The following STS variants were observed in gnomAD, a reference collection of about 807,000 sequenced individuals.
The protein encoded by STS is steroid sulfatase.
STS carries 7 observed loss-of-function variants against 26.8 expected under a neutral mutation model. The ratio of observed to expected loss-of-function variants is 0.26; its 90% CI spans 0.15 to 0.49. The LOEUF is 0.49. Among genes scored for constraint, STS ranks in the 20% least tolerant of loss-of-function variants. STS has a pLI of 0.98. For synonymous variants in STS, 199 were observed against 189.4 expected (o/e 1.05, Z -0.42); for missense variants, 434 against 465.6 (o/e 0.93, Z 0.63).
At chrX:7,151,438 C>T (rs1305531462) in intron 1 of STS, among the ~76,000 whole-genome samples, 1 of 111,700 alleles carries the variant, frequency 9.0e-6, no homozygotes, top group Non-Finnish European at 1.9e-5. Context: ...AATTTGAGCT[C>T]CTCATTGCAG....
At chrX:7,320,092 T>C (rs1047981083) in intron 8 of STS, among the ~76,000 whole-genome samples, 2 of 95,789 alleles carry the variant, frequency 2.1e-5, no homozygotes, top group African/African-American at 7.7e-5. Context: ...TATAGTTATA[T>C]ATATTTTTTG....
rs192530092 is a variant in STS at position 7,322,481 on chromosome X, A to C, written c.1082-2858A>C. Among the ~76,000 whole-genome samples, 834 of 110,695 alleles carry C rather than the reference A, an allele frequency of 7.5e-3. 8 individuals are homozygous for C. The highest frequency in any genetic ancestry group is 0.013 in the Non-Finnish European group (689 of 52,775). ...ACTGGTGAGATCTTGGCTCACTGCAACCTCCACCTCCCGGGTTCAAGCAAT... is the reference window on the plus strand; with the variant it reads ...ACTGGTGAGATCTTGGCTCACTGCACCCTCCACCTCCCGGGTTCAAGCAAT... On this transcript the variant is annotated intron_variant, in intron 8 of 10. Transcript: ENST00000674429.
intron 10 of STS, among the ~76,000 whole-genome samples, chrX:7,345,385 G>T (rs1472389272): frequency 9.0e-6 from 1 of 111,353 alleles, no homozygotes; most frequent in Non-Finnish European, 1.9e-5. Flanking sequence ...CTATAACCAA[G>T]ATCTGAGTCC....
At chrX:7,196,315 C>G (rs1168213903) in intron 2 of STS, among the ~76,000 whole-genome samples, 1 of 111,852 alleles carries the variant, frequency 8.9e-6, no homozygotes, top group Non-Finnish European at 1.9e-5. Context: ...TTCAGCCTTC[C>G]TTCTCTTCCA....
In STS at chrX:7,351,749, G is replaced by A. The variant is rs991675104; in HGVS notation, c.*1488G>A. 3 of 110,309 alleles carry A rather than the reference G, an allele frequency of 2.7e-5. No homozygotes were observed. The highest frequency in any genetic ancestry group is 5.7e-5 in the Non-Finnish European group (3 of 52,901). 9.1% of individuals were successfully genotyped at this position (110,309 alleles called of 1,213,427 possible). ...ACACCTGTAATGTAACCCACACAGC[G>A]GTTTGCAGAGAATGTTAGCCATGAC... On this transcript the variant is annotated 3_prime_UTR_variant, in exon 11 of 11. Transcript: ENST00000674429.
At chrX:7,296,143 C>A (rs1925650795) in intron 7 of STS, among the ~76,000 whole-genome samples, 1 of 111,466 alleles carries the variant, frequency 9.0e-6, no homozygotes, top group Non-Finnish European at 1.9e-5. Context: ...TAAGGTTGCA[C>A]CTCCAGTTGG....
chrX:7,340,862 G>A (rs770655296), intron 10 of STS, among the ~76,000 whole-genome samples: 3 of 111,505 alleles, frequency 2.7e-5, no homozygotes, highest in Admixed American at 1.9e-4. Context: ...ATGGCGGGAC[G>A]GATGGGAAAG....
At chrX:7,340,662 C>T (rs1290670664) in intron 10 of STS, among the ~76,000 whole-genome samples, 1 of 111,284 alleles carries the variant, frequency 9.0e-6, no homozygotes, top group Non-Finnish European at 1.9e-5. Flanking sequence ...TAACAAAAAA[C>T]AATAAAAAAA....
chrX:7,206,746 T>C (rs1920952624), intron 2 of STS, among the ~76,000 whole-genome samples: 1 of 112,253 alleles, frequency 8.9e-6, no homozygotes, highest in Non-Finnish European at 1.9e-5. Context: ...AGTACTAACC[T>C]GAAAGCTATG....
At chrX:7,316,990 G>C (rs1478334733) in intron 8 of STS, among the ~76,000 whole-genome samples, 2 of 112,150 alleles carry the variant, frequency 1.8e-5, no homozygotes, top group Non-Finnish European at 3.8e-5. Context: ...GCCATTAAAA[G>C]TGATTTGACC....
chrX:7,314,569 G>C (rs2147149628), intron 8 of STS, among the ~76,000 whole-genome samples: 1 of 113,061 alleles, frequency 8.8e-6, no homozygotes, highest in South Asian at 3.6e-4. Context: ...GATCACCACT[G>C]TCTCAGGCAT....
rs112802884 is a variant in STS at position 7,343,033 on chromosome X, G to T, written c.1364-6855G>T. Among the ~76,000 whole-genome samples, 350 of 111,121 alleles carry T rather than the reference G, an allele frequency of 3.1e-3. 1 individual carries two copies. Among genetic ancestry groups the T allele is most frequent in the African/African-American group, 0.011 (339 of 30,498 alleles). ...AGGGGGCAGGCCTAGGGTTCTTTGT[G>T]TGGGGGTTCCTCACAATGGAAAAAT... On this transcript the variant is annotated intron_variant, in intron 10 of 10. Transcript: ENST00000674429.
intron 1 of STS, among the ~76,000 whole-genome samples, chrX:7,168,751 C>T (rs1265611531): frequency 9.0e-6 from 1 of 111,534 alleles, no homozygotes; most frequent in African/African-American, 3.3e-5. Context: ...CCTCTCTGTC[C>T]TTACCCAGGA....
chrX:7,219,384 A>T (rs1240996790), intron 2 of STS: 2 of 1,016,645 alleles, frequency 2.0e-6, no homozygotes, highest in Non-Finnish European at 2.5e-6. Flanking sequence ...GTTTACCAGG[A>T]TCACCTGAAA....
chrX:7,290,755 G>A (rs1439545501), intron 7 of STS, among the ~76,000 whole-genome samples: 1 of 112,009 alleles, frequency 8.9e-6, no homozygotes. Flanking sequence ...ATGTGGGCAG[G>A]TGACCTCTCT....
At chrX:7,251,584 G>A (rs1383292581) in intron 2 of STS, among the ~76,000 whole-genome samples, 2 of 111,506 alleles carry the variant, frequency 1.8e-5, no homozygotes, top group Non-Finnish European at 3.8e-5. Flanking sequence ...GAACAGATAG[G>A]TAAACTAAAA....
At position 7,257,355 on chromosome X, in the gene STS, T is replaced by C. The variant is rs1429535013; in HGVS notation, c.251T>C (p.Val84Ala). The change falls in exon 4 of 11, where the codon GTC (valine) becomes GCC (alanine). Residue 84 changes from valine to alanine, a missense_variant. Physicochemically the swap from Val to Ala is moderately conservative, Grantham distance 64. This residue lies in a region of STS where 229 missense variants were observed against 288.3 expected (regional missense o/e 0.79). Coordinates refer to ENST00000674429, the MANE Select transcript of STS (RefSeq NM_001320752.2). The part of the protein sequence containing the change: ...RAAFMTGRYP[V>A]RSGMASWSRT... ...GCCTTCATGACTGGCCGGTACCCTG[T>C]CCGATCAGGTAACCTCCTATCTGCA... is the stretch of plus-strand genomic sequence containing the variant. 2 of 1,211,675 alleles carry C rather than the reference T, an allele frequency of 1.7e-6. No individual in the cohort carries two copies. The highest frequency in any genetic ancestry group is 2.2e-6 in the Non-Finnish European group (2 of 895,305).
At chrX:7,221,433 G>A (rs747094615) in intron 2 of STS, among the ~76,000 whole-genome samples, 3 of 112,328 alleles carry the variant, frequency 2.7e-5, no homozygotes, top group South Asian at 3.7e-4. Context: ...CTTGTGGAGC[G>A]TTTGTTTAGC....
At chrX:7,250,767 T>C (rs1353537038) in intron 2 of STS, among the ~76,000 whole-genome samples, 15 of 112,286 alleles carry the variant, frequency 1.3e-4, no homozygotes, top group African/African-American at 4.9e-4. Context: ...GGATATACAG[T>C]CTCTCTGGAC....
Sources: allele counts gnomAD v4.1 joint callset (sites outside exome capture counted in the v4.1 genomes callset), GRCh38; gene constraint gnomAD v4.1.1; regional missense constraint gnomAD v4.1.1; transcripts MANE v1.5; gene names NCBI Gene and HGNC (gene_info 2026-07-23, HGNC 2026-07-21).